The following ADGRV1 variants were observed in gnomAD, a reference collection of about 807,000 sequenced individuals.
ADGRV1 encodes the protein adhesion G protein-coupled receptor V1, also known as G-protein coupled receptor 98.
A neutral mutation model predicts 596.2 loss-of-function variants in ADGRV1; 359 were observed. The ratio of observed to expected loss-of-function variants is 0.60; its 90% CI spans 0.55 to 0.66. The LOEUF is 0.66. ADGRV1 is among the 30% of genes least tolerant of loss of function. The probability of loss-of-function intolerance (pLI) is 0.00; values close to 1 mark genes in which losing one functional copy is unlikely to be tolerated. For missense variants in ADGRV1, 7,274 were observed against 7,575.6 expected, an observed-to-expected ratio of 0.96 and a Z score of 1.48; for synonymous variants, 2,681 against 2,679.2, an observed-to-expected ratio of 1.00 and a Z score of -0.02.
chr5:90,639,071 A>AACAC (rs67813883), intron 11 of ADGRV1, among the ~76,000 whole-genome samples: 22,310 of 147,906 alleles, frequency 0.15, 1,842 homozygotes, highest in East Asian at 0.38. Context: ...ACCAATTTAC[A>AACAC]ACACACACAC....
chr5:90,999,450 G>A (rs1355717352), intron 85 of ADGRV1, among the ~76,000 whole-genome samples: 1 of 151,864 alleles, frequency 6.6e-6, no homozygotes, highest in Non-Finnish European at 1.5e-5. Flanking sequence ...TTAACTAGAT[G>A]CAGAATCAGG....
intron 21 of ADGRV1, among the ~76,000 whole-genome samples, chr5:90,667,930 G>T (rs1199530253): frequency 6.6e-6 from 1 of 151,928 alleles, no homozygotes; most frequent in Non-Finnish European, 1.5e-5. Context: ...TCGGGGGTCA[G>T]GGGTCAGGCA....
chr5:91,072,727 G>T (rs1166448472), intron 86 of ADGRV1, 123 bp downstream of exon 86: 1 of 928,920 alleles, frequency 1.1e-6, no homozygotes, highest in South Asian at 1.6e-5. Flanking sequence ...GAAGCCACAA[G>T]TTAAGCTATA....
At chr5:90,945,010 A>G (rs1776452577) in intron 83 of ADGRV1, among the ~76,000 whole-genome samples, 1 of 152,220 alleles carries the variant, frequency 6.6e-6, no homozygotes, top group Non-Finnish European at 1.5e-5. Flanking sequence ...AATTGACTAT[A>G]TTAATATTTT....
intron 87 of ADGRV1, among the ~76,000 whole-genome samples, chr5:91,138,643 TTC>T (rs1360287911): frequency 6.6e-6 from 1 of 152,234 alleles, no homozygotes; most frequent in Non-Finnish European, 1.5e-5. Flanking sequence ...CAATATTTAT[TTC>T]TGTTTAGATG....
chr5:90,866,397 A>G (rs1185678747), intron 83 of ADGRV1, among the ~76,000 whole-genome samples: 1 of 151,720 alleles, frequency 6.6e-6, no homozygotes, highest in Admixed American at 6.6e-5. Context: ...TTCCTGCTTT[A>G]AAAATCAAGA....
intron 33 of ADGRV1, 41 bp downstream of exon 33, chr5:90,694,742 A>G (rs2149646178): frequency 6.9e-7 from 1 of 1,439,292 alleles, no homozygotes; most frequent in East Asian, 2.3e-5. Flanking sequence ...GCCCCAGTAA[A>G]GTCATCATAG....
At chr5:90,955,645 A>G (rs2150925927) in intron 83 of ADGRV1, among the ~76,000 whole-genome samples, 1 of 152,258 alleles carries the variant, frequency 6.6e-6, no homozygotes, top group Middle Eastern at 3.4e-3. Flanking sequence ...TTATCTTTTT[A>G]TAGGTCATGC....
At chr5:90,607,207 A>G (rs1476047259) in intron 1 of ADGRV1, among the ~76,000 whole-genome samples, 1 of 152,208 alleles carries the variant, frequency 6.6e-6, no homozygotes, top group Non-Finnish European at 1.5e-5. Context: ...AAGAAAGCTT[A>G]GCAGTAAGCT....
At chr5:90,572,977 C>T (rs1231229678) in intron 1 of ADGRV1, among the ~76,000 whole-genome samples, 1 of 152,112 alleles carries the variant, frequency 6.6e-6, no homozygotes, top group Non-Finnish European at 1.5e-5. Flanking sequence ...TTTTGTTAAA[C>T]TCAGGATCAA....
intron 83 of ADGRV1, among the ~76,000 whole-genome samples, chr5:90,879,588 T>TTA (rs1346783277): frequency 6.6e-6 from 1 of 152,166 alleles, no homozygotes; most frequent in Non-Finnish European, 1.5e-5. Flanking sequence ...TTCTCCTTAA[T>TTA]TATACTATTT....
In ADGRV1 at chr5:91,143,626, A is replaced by C. The variant is rs111664078; in HGVS notation, c.18433-6404A>C. On this transcript the variant is annotated intron_variant, in intron 87 of 89. Coordinates refer to ENST00000405460, the MANE Select transcript of ADGRV1 (RefSeq NM_032119.4). Reference sequence around the variant, plus strand: ...TATGGGCTTCAGAGGGAGGAAGTGCATGCTGATTGGTTCATGGGTGGCCAT... The same window carrying C: ...TATGGGCTTCAGAGGGAGGAAGTGCCTGCTGATTGGTTCATGGGTGGCCAT... Among the ~76,000 whole-genome samples the C allele has an allele frequency of 6.2e-3, 951 of 152,300 alleles. 2 individuals carry two copies. Among genetic ancestry groups the C allele is most frequent in the Non-Finnish European group, 0.011 (727 of 68,016 alleles).
intron 87 of ADGRV1, among the ~76,000 whole-genome samples, chr5:91,136,798 T>C (rs1187799806): frequency 6.6e-6 from 1 of 152,202 alleles, no homozygotes; most frequent in Non-Finnish European, 1.5e-5. Flanking sequence ...TATCAGACTT[T>C]AAACCACCCT....
intron 1 of ADGRV1, among the ~76,000 whole-genome samples, chr5:90,598,734 G>T (rs1192200975): frequency 6.6e-6 from 1 of 152,162 alleles, no homozygotes; most frequent in Non-Finnish European, 1.5e-5. Context: ...GGTAAAAATG[G>T]ATTTCCTGCC....
rs528276029 is a variant in ADGRV1 at position 91,029,298 on chromosome 5, G to A, written c.18153-43149G>A. 2.0e-5 allele frequency among the ~76,000 whole-genome samples: 3 copies of A among 152,272 alleles called. No homozygotes were observed. In the South Asian group the frequency reaches 6.2e-4, roughly 32 times the overall value. On this transcript the variant is annotated intron_variant, in intron 85 of 89. Coordinates refer to ENST00000405460, the MANE Select transcript of ADGRV1 (RefSeq NM_032119.4). Reference sequence around the variant, plus strand: ...TAATGTTTTAGATGTGATTCCAAATGATATGCATAACTTTAGTTGACTCAC... The same window carrying A: ...TAATGTTTTAGATGTGATTCCAAATAATATGCATAACTTTAGTTGACTCAC...
chr5:90,768,724 A>G (rs1757395918), intron 59 of ADGRV1, among the ~76,000 whole-genome samples: 2 of 152,168 alleles, frequency 1.3e-5, no homozygotes, highest in South Asian at 4.1e-4. Context: ...TACTTTGTTT[A>G]TAGAAACATA....
intron 1 of ADGRV1, among the ~76,000 whole-genome samples, chr5:90,591,411 A>G (rs1254093035): frequency 1.3e-5 from 2 of 152,032 alleles, no homozygotes; most frequent in African/African-American, 4.8e-5. Context: ...AAATATATAT[A>G]TATATTCATA....
In ADGRV1 at chr5:90,711,251, C is replaced by T. The variant is rs1749312163; in HGVS notation, c.8971C>T (p.His2991Tyr). 2 of 1,612,620 alleles carry T rather than the reference C, an allele frequency of 1.2e-6. No individual in the cohort carries two copies. The highest frequency in any genetic ancestry group is 1.7e-6 in the Non-Finnish European group (2 of 1,179,004). The part of the protein sequence containing the change: ...VAQRSREPLG[H>Y]VSLFVYAQNL... ...CCAGAGGAGCAGAGAACCTCTTGGC[C>T]ATGTTTCCTTATTTGTGTATGCTCA... Residue 2991 changes from histidine to tyrosine, a missense_variant, in exon 41 of 90, where the codon CAT becomes TAT. This residue lies in a region of ADGRV1 where 3,643 missense variants were observed against 3,809.2 expected (regional missense o/e 0.96). Transcript: ENST00000405460.
At chr5:90,842,817 A>G (rs1213737602) in intron 78 of ADGRV1, among the ~76,000 whole-genome samples, 1 of 152,184 alleles carries the variant, frequency 6.6e-6, no homozygotes, top group East Asian at 1.9e-4. Context: ...TGCTCTGGTT[A>G]TTTTCAAATC....
Sources: allele counts gnomAD v4.1 joint callset (sites outside exome capture counted in the v4.1 genomes callset), GRCh38; gene constraint gnomAD v4.1.1; regional missense constraint gnomAD v4.1.1; transcripts MANE v1.5; gene names NCBI Gene and HGNC (gene_info 2026-07-23, HGNC 2026-07-21).